ANK3: variants seen among roughly 807,000 people sequenced by gnomAD.
The protein encoded by ANK3 is ankyrin-3.
ANK3 carries 57 observed loss-of-function variants against 370.9 expected under a neutral mutation model. The observed-to-expected ratio is 0.15, with a 90% CI of 0.12 to 0.19. The LOEUF (loss-of-function observed/expected upper bound fraction) is 0.19, where lower values mean the gene tolerates loss of function less well. ANK3 is among the 10% of genes least tolerant of loss of function. The pLI, the probability that ANK3 is intolerant of heterozygous loss-of-function variation, is 1.00. For missense variants in ANK3, 4,439 were observed against 5,302.1 expected, an observed-to-expected ratio of 0.84 and a Z score of 5.06; for synonymous variants, 1,929 against 1,946.3, an observed-to-expected ratio of 0.99 and a Z score of 0.23.
At chr10:60,654,818 C>T (rs1249178985) in intron 1 of ANK3, among the ~76,000 whole-genome samples, 2 of 151,976 alleles carry the variant, frequency 1.3e-5, no homozygotes, top group Non-Finnish European at 2.9e-5. Flanking sequence ...GTATTCCTTC[C>T]TCTATTTTCT....
chr10:60,721,094 G>T (rs1302375726), intron 1 of ANK3, among the ~76,000 whole-genome samples: 1 of 152,190 alleles, frequency 6.6e-6, no homozygotes, highest in Non-Finnish European at 1.5e-5. Flanking sequence ...GAAGTCCATT[G>T]TCCAGTTAGT....
At chr10:60,429,088 A>AC (rs1262821558) in intron 2 of ANK3, among the ~76,000 whole-genome samples, 1 of 152,080 alleles carries the variant, frequency 6.6e-6, no homozygotes, top group Non-Finnish European at 1.5e-5. Context: ...GGACCCAGGG[A>AC]CCCCATCTCA....
At chr10:60,542,954 C>A (rs1223157201) in intron 2 of ANK3, among the ~76,000 whole-genome samples, 1 of 151,888 alleles carries the variant, frequency 6.6e-6, no homozygotes, top group Non-Finnish European at 1.5e-5. Context: ...TCAGCTTGTC[C>A]TTAGTATGGT....
intron 1 of ANK3, among the ~76,000 whole-genome samples, chr10:60,730,313 A>G (rs1380790986): frequency 2.0e-5 from 3 of 151,906 alleles, no homozygotes; most frequent in African/African-American, 7.3e-5. Flanking sequence ...ACTTGCCCCC[A>G]TGCCCTACTA....
At chr10:60,581,836 T>A (rs1425675082) in intron 2 of ANK3, among the ~76,000 whole-genome samples, 1 of 152,038 alleles carries the variant, frequency 6.6e-6, no homozygotes, top group African/African-American at 2.4e-5. Flanking sequence ...AGGCTGCAGC[T>A]TACTATTCAC....
chr10:60,400,609 G>T (rs945377029), intron 2 of ANK3, among the ~76,000 whole-genome samples: 1 of 152,028 alleles, frequency 6.6e-6, no homozygotes, highest in Non-Finnish European at 1.5e-5. Context: ...ATAAAAGCAG[G>T]TGCAGTCTGC....
At chr10:60,151,139 G>A (rs956624465) in intron 23 of ANK3, among the ~76,000 whole-genome samples, 1 of 152,170 alleles carries the variant, frequency 6.6e-6, no homozygotes. Context: ...CAAAGATACA[G>A]CACCAAGTAA....
intron 24 of ANK3, 132 bp from the exon 25 acceptor site, chr10:60,134,505 A>G: frequency 1.6e-6 from 1 of 608,342 alleles, no homozygotes; most frequent in Middle Eastern, 3.0e-4. Flanking sequence ...TTGAAAGGAC[A>G]TAGTGAAAAG....
chr10:60,466,465 T>C (rs930131842), intron 2 of ANK3, among the ~76,000 whole-genome samples: 8 of 152,208 alleles, frequency 5.3e-5, no homozygotes, highest in African/African-American at 1.9e-4. Context: ...AGAAGCCTCA[T>C]ACACTGCTGG....
At chr10:60,610,716 A>G (rs1237520856) in intron 2 of ANK3, among the ~76,000 whole-genome samples, 1 of 152,226 alleles carries the variant, frequency 6.6e-6, no homozygotes, top group Non-Finnish European at 1.5e-5. Flanking sequence ...GTAGGAAAAA[A>G]ATAAATAAAA....
intron 18 of ANK3, among the ~76,000 whole-genome samples, chr10:60,175,974 G>A (rs2095925808): frequency 1.3e-5 from 2 of 152,142 alleles, no homozygotes; most frequent in African/African-American, 4.8e-5. Flanking sequence ...GCTGAAAACA[G>A]TGCCTGGCAT....
chr10:60,694,030 T>C (rs1310685586), intron 1 of ANK3, among the ~76,000 whole-genome samples: 8 of 151,982 alleles, frequency 5.3e-5, no homozygotes, highest in Admixed American at 1.3e-4. Flanking sequence ...ACAACTAGAA[T>C]AACCAATACA....
At chr10:60,250,316 A>C (rs1385493550) in intron 7 of ANK3, among the ~76,000 whole-genome samples, 2 of 152,164 alleles carry the variant, frequency 1.3e-5, no homozygotes, top group East Asian at 1.9e-4. Context: ...ACTGGGAAAA[A>C]CCAGTTGAGA....
In ANK3 at chr10:60,472,393, A is replaced by G. The variant is rs1453973420; in HGVS notation, c.96+142793T>C. ...TTCAGCCAAGAACTAAGCCATCACA[A>G]AACACTGTAGTGCTAAATAATTTAC... On this transcript the variant is annotated intron_variant, in intron 2 of 43. Coordinates refer to the ANK3 transcript ENST00000373827. Among the ~76,000 whole-genome samples, 2 of 152,176 alleles carry G rather than the reference A, an allele frequency of 1.3e-5. 1 individual carries two copies. The highest frequency in any genetic ancestry group is 2.9e-5 in the Non-Finnish European group (2 of 68,020).
At chr10:60,523,310 T>C (rs1567116573) in intron 2 of ANK3, among the ~76,000 whole-genome samples, 1 of 151,994 alleles carries the variant, frequency 6.6e-6, no homozygotes, top group African/African-American at 2.4e-5. Flanking sequence ...TACATAGGTA[T>C]ACATGTGCCA....
chr10:60,554,746 T>A (rs780834659), intron 2 of ANK3, among the ~76,000 whole-genome samples: 1 of 152,172 alleles, frequency 6.6e-6, no homozygotes, highest in African/African-American at 2.4e-5. Flanking sequence ...AAAAACAAAT[T>A]TAATTTCCTG....
chr10:60,732,292 C>T (rs549203862), intron 1 of ANK3, among the ~76,000 whole-genome samples: 29 of 152,310 alleles, frequency 1.9e-4, no homozygotes, highest in African/African-American at 6.7e-4. Flanking sequence ...TACTGTTTCT[C>T]AGGAACCTTT....
intron 23 of ANK3, among the ~76,000 whole-genome samples, chr10:60,151,550 G>A (rs935194210): frequency 6.6e-6 from 1 of 151,946 alleles, no homozygotes; most frequent in Non-Finnish European, 1.5e-5. Flanking sequence ...CTTACCAGAA[G>A]CAGATGGATG....
intron 16 of ANK3, among the ~76,000 whole-genome samples, chr10:60,194,959 G>A (rs2096560745): frequency 1.3e-5 from 2 of 152,106 alleles, no homozygotes. Flanking sequence ...CCTAAAACTT[G>A]ATCTCTTAGG....
Sources: gnomAD v4.1 joint callset for allele counts (sites outside exome capture counted in the v4.1 genomes callset) on GRCh38, gnomAD v4.1.1 for gene constraint, MANE v1.5 for transcripts, NCBI Gene and HGNC (gene_info 2026-07-23, HGNC 2026-07-21) for gene names.